The following GADL1 variants were observed in gnomAD, a reference collection of about 807,000 sequenced individuals.
GADL1 encodes the protein GAD like acidic amino acid decarboxylase 1, also known as acidic amino acid decarboxylase GADL1.
Under a neutral mutation model 69.5 loss-of-function variants are expected in GADL1, and 71 were observed. The ratio of observed to expected loss-of-function variants is 1.02; its 90% CI spans 0.84 to 1.25. The LOEUF is 1.25. Ranked by LOEUF, GADL1 falls within the 50% of genes most tolerant of loss-of-function variation. GADL1 has a pLI of 0.00. For synonymous variants in GADL1, 254 were observed against 214.4 expected, an observed-to-expected ratio of 1.18 and a Z score of -1.62; for missense variants, 737 against 631.8, an observed-to-expected ratio of 1.17 and a Z score of -1.79.
Position 30,857,005 on chromosome 3 carries a change from A to G in GADL1, c.337+10T>C, listed in dbSNP as rs1446747232. The G allele has an allele frequency of 6.5e-7, 1 of 1,547,460 alleles. No homozygotes were observed. The highest frequency in any genetic ancestry group is 2.4e-5 in the East Asian group (1 of 40,866). On this transcript the variant is annotated intron_variant, in intron 3 of 14. Transcript: ENST00000282538. Reference sequence around the variant, plus strand: ...AGGTACAGATCAAGGAAGTAAATTAAAGTTCTTACTAGTTTTGACACTGTA... The same window carrying G: ...AGGTACAGATCAAGGAAGTAAATTAGAGTTCTTACTAGTTTTGACACTGTA...
rs1644138536 is a variant in GADL1, at chr3:30,800,804, TAGACACACAC to T, written c.1250+75_1250+84del. The T allele has an allele frequency of 2.9e-5, 28 of 961,122 alleles. No homozygotes were observed. In the East Asian group the frequency reaches 4.3e-4, roughly 15 times the overall value. 59.5% of individuals were successfully genotyped at this position (961,122 alleles called of 1,614,324 possible). On this transcript the variant is annotated intron_variant, in intron 12 of 14. Transcript: ENST00000282538. ...TAGGTCTTCCTATTACAGACACAGA[TAGACACACAC>T]ACACACACACACACACACACACACA...
rs190569703 is a variant in GADL1 at position 30,867,492 on chromosome 3, C to T, written c.38-5727G>A. Among the ~76,000 whole-genome samples, 248 of 144,808 alleles carry T rather than the reference C, an allele frequency of 1.7e-3. 1 individual carries two copies. The highest frequency in any genetic ancestry group is 6.1e-3 in the African/African-American group (244 of 39,718). The allele number at this position is 144,808 out of a possible 152,430, so 95.0% of individuals were successfully genotyped here. A position where few individuals can be genotyped will look rare whatever the true frequency, so the allele number is the denominator to read the frequency against. On this transcript the variant is annotated intron_variant, in intron 1 of 14. Coordinates refer to ENST00000282538, the MANE Select transcript of GADL1 (RefSeq NM_207359.3). ...TATGAGAGAGAGTACTTACTATGTG[C>T]CAGGCCCTGTTCTAAAAGTTTTACA...
chr3:30,816,530 C>CTTTTTTTTTTTTTTTTTTTTT lies in GADL1; in HGVS notation c.1051-15463_1051-15443dup, dbSNP rs773530741. Among the ~76,000 whole-genome samples the CTTTTTTTTTTTTTTTTTTTTT allele has an allele frequency of 5.2e-4, 28 of 53,988 alleles. 9 individuals are homozygous for CTTTTTTTTTTTTTTTTTTTTT. Among genetic ancestry groups the CTTTTTTTTTTTTTTTTTTTTT allele is most frequent in the East Asian group, 1.2e-3 (2 of 1,666 alleles). 35.4% of individuals were successfully genotyped at this position (53,988 alleles called of 152,430 possible). On this transcript the variant is annotated intron_variant, in intron 11 of 14. Transcript: ENST00000282538. ...AGACCATATATTCTTAATTTGTTTT[C>CTTTTTTTTTTTTTTTTTTTTT]TTTTTTTTTTTTTTTTTTTTTTTTT...
chr3:30,804,262 C>T (rs905843994), intron 11 of GADL1, among the ~76,000 whole-genome samples: 4 of 152,144 alleles, frequency 2.6e-5, no homozygotes, highest in Admixed American at 2.0e-4. Context: ...TCACTCCCTA[C>T]ATATGGAAAG....
At chr3:30,758,564 A>G (rs530344649) in intron 14 of GADL1, among the ~76,000 whole-genome samples, 1 of 152,318 alleles carries the variant, frequency 6.6e-6, no homozygotes, top group South Asian at 2.1e-4. Flanking sequence ...ATGAGATCAT[A>G]TATGTAATGG....
At chr3:30,862,515 A>C (rs1277184169) in intron 1 of GADL1, among the ~76,000 whole-genome samples, 4 of 152,072 alleles carry the variant, frequency 2.6e-5, no homozygotes, top group Non-Finnish European at 5.9e-5. Flanking sequence ...AAAGTCCTTT[A>C]GCATTTCTGA....
chr3:30,810,501 CT>C (rs769797459), intron 11 of GADL1, among the ~76,000 whole-genome samples: 2 of 152,136 alleles, frequency 1.3e-5, no homozygotes, highest in Non-Finnish European at 2.9e-5. Flanking sequence ...TCTTAAGTTG[CT>C]TTACAAAGCT....
intron 12 of GADL1, among the ~76,000 whole-genome samples, chr3:30,795,147 A>G (rs4955329): frequency 0.83 from 126,321 of 151,716 alleles, 52,818 homozygotes; most frequent in African/African-American, 0.9. Context: ...ATGTTTCTGT[A>G]ACTTAGAATT....
At chr3:30,877,698 T>A (rs895654554) in intron 1 of GADL1, among the ~76,000 whole-genome samples, 1 of 151,900 alleles carries the variant, frequency 6.6e-6, no homozygotes, top group African/African-American at 2.4e-5. Flanking sequence ...TACAGAGTGC[T>A]GAAATGGGAA....
At chr3:30,827,857 T>C (rs1697709514) in intron 11 of GADL1, among the ~76,000 whole-genome samples, 1 of 151,902 alleles carries the variant, frequency 6.6e-6, no homozygotes, top group Admixed American at 6.6e-5. Context: ...GAGAATGATT[T>C]TGGCAGCACG....
chr3:30,806,317 T>A (rs916023899), intron 11 of GADL1, among the ~76,000 whole-genome samples: 3 of 152,194 alleles, frequency 2.0e-5, no homozygotes, highest in Admixed American at 6.5e-5. Context: ...AGCACTATCA[T>A]GCCAGGAGCC....
intron 4 of GADL1, among the ~76,000 whole-genome samples, chr3:30,853,184 T>C (rs1399408577): frequency 6.6e-6 from 1 of 152,144 alleles, no homozygotes; most frequent in Non-Finnish European, 1.5e-5. Flanking sequence ...AGCCGCCTTC[T>C]CTCCCCACTC....
intron 14 of GADL1, among the ~76,000 whole-genome samples, chr3:30,733,985 C>A (rs1695505291): frequency 6.6e-6 from 1 of 152,156 alleles, no homozygotes. Flanking sequence ...TAGCCACAGT[C>A]CTCAAAAGCT....
At chr3:30,866,690 C>T (rs997290957) in intron 1 of GADL1, among the ~76,000 whole-genome samples, 1 of 152,000 alleles carries the variant, frequency 6.6e-6, no homozygotes, top group African/African-American at 2.4e-5. Context: ...GTTCAGAACG[C>T]AAGATGGTAG....
intron 14 of GADL1, among the ~76,000 whole-genome samples, chr3:30,773,850 A>C (rs903588490): frequency 1.4e-4 from 21 of 152,200 alleles, no homozygotes; most frequent in Non-Finnish European, 3.1e-4. Context: ...GTTGCTTTTC[A>C]GAAAAATGGT....
chr3:30,738,914 G>A (rs963336105), intron 14 of GADL1, among the ~76,000 whole-genome samples: 1 of 152,116 alleles, frequency 6.6e-6, no homozygotes, highest in African/African-American at 2.4e-5. Flanking sequence ...CTTTCTCTGA[G>A]AATTCTATTA....
intron 6 of GADL1, 57 bp from the exon 7 acceptor site, chr3:30,844,523 G>A (rs1218285272): frequency 3.6e-6 from 4 of 1,105,268 alleles, no homozygotes; most frequent in Non-Finnish European, 4.2e-6. Flanking sequence ...CACAAAAAAA[G>A]CATTGCTTAT....
intron 6 of GADL1, among the ~76,000 whole-genome samples, chr3:30,844,977 G>C (rs1489429661): frequency 6.6e-6 from 1 of 152,144 alleles, no homozygotes; most frequent in Non-Finnish European, 1.5e-5. Flanking sequence ...CCTCTAAGGA[G>C]AGGGCAAGAC....
intron 1 of GADL1, among the ~76,000 whole-genome samples, chr3:30,882,311 GA>G (rs1698654055): frequency 6.6e-6 from 1 of 151,702 alleles, no homozygotes; most frequent in Admixed American, 6.6e-5. Flanking sequence ...TTCTAAAACT[GA>G]AACTGTATAC....
Sources: gnomAD v4.1 joint callset for allele counts (sites outside exome capture counted in the v4.1 genomes callset) on GRCh38, gnomAD v4.1.1 for gene constraint, MANE v1.5 for transcripts, NCBI Gene and HGNC (gene_info 2026-07-23, HGNC 2026-07-21) for gene names.